The following CNOT2 variants were observed in gnomAD, a reference collection of about 807,000 sequenced individuals.
CNOT2 encodes the protein CC chemokine receptor 4-negative regulator of transcription 2.
CNOT2 carries 7 observed loss-of-function variants against 72.1 expected under a neutral mutation model. The ratio of observed to expected loss-of-function variants is 0.10; its 90% CI spans 0.06 to 0.18. The LOEUF (loss-of-function observed/expected upper bound fraction) is 0.18, where lower values mean the gene tolerates loss of function less well. CNOT2 is among the 10% of genes least tolerant of loss of function. The probability of loss-of-function intolerance (pLI) is 1.00; values close to 1 mark genes in which losing one functional copy is unlikely to be tolerated. For missense variants in CNOT2, 345 were observed against 660.3 expected, an observed-to-expected ratio of 0.52 and a Z score of 5.23; for synonymous variants, 196 against 225.6, an observed-to-expected ratio of 0.87 and a Z score of 1.17.
At chr12:70,254,855 T>C (rs961527754) in intron 1 of CNOT2, among the ~76,000 whole-genome samples, 3 of 151,454 alleles carry the variant, frequency 2.0e-5, no homozygotes, top group African/African-American at 7.3e-5. Flanking sequence ...GTGGCACGTG[T>C]CTCTAATCCG....
intron 1 of CNOT2, among the ~76,000 whole-genome samples, chr12:70,265,729 C>T (rs977814296): frequency 6.6e-6 from 1 of 151,684 alleles, no homozygotes; most frequent in Non-Finnish European, 1.5e-5. Flanking sequence ...AGGTGATTGA[C>T]CTGAGAGCTT....
intron 2 of CNOT2, among the ~76,000 whole-genome samples, chr12:70,281,114 C>T (rs925030262): frequency 5.1e-5 from 7 of 138,568 alleles, no homozygotes; most frequent in East Asian, 2.1e-4. Flanking sequence ...TTTTTTGAGA[C>T]GGACTCTTGC....
chr12:70,262,671 T>C (rs767870339), intron 1 of CNOT2, among the ~76,000 whole-genome samples: 1 of 152,140 alleles, frequency 6.6e-6, no homozygotes, highest in Non-Finnish European at 1.5e-5. Flanking sequence ...TTATTTTTTT[T>C]TCCGGTTATT....
At chr12:70,303,643 C>T (rs1874573655) in intron 2 of CNOT2, among the ~76,000 whole-genome samples, 1 of 152,150 alleles carries the variant, frequency 6.6e-6, no homozygotes, top group African/African-American at 2.4e-5. Context: ...TCTGGATGCC[C>T]TTAACATTTT....
At chr12:70,331,954 T>G (rs1186212011) in intron 6 of CNOT2, among the ~76,000 whole-genome samples, 1 of 151,634 alleles carries the variant, frequency 6.6e-6, no homozygotes, top group Admixed American at 6.6e-5. Flanking sequence ...TTGGCCTTGC[T>G]CTAAGTTCTG....
At chr12:70,346,821 G>A (rs1013284133) in intron 15 of CNOT2, among the ~76,000 whole-genome samples, 2 of 152,128 alleles carry the variant, frequency 1.3e-5, no homozygotes, top group African/African-American at 4.8e-5. Context: ...ATATTGGGGA[G>A]AAATCGGCTA....
intron 15 of CNOT2, among the ~76,000 whole-genome samples, chr12:70,352,540 G>A (rs1882997010): frequency 2.6e-5 from 4 of 152,188 alleles, no homozygotes; most frequent in Middle Eastern, 3.4e-3. Flanking sequence ...ACTCATCATG[G>A]AATCAGTTTG....
At chr12:70,319,231 T>C (rs963230747) in intron 3 of CNOT2, 67 bp from the exon 4 acceptor site, 39 of 1,280,220 alleles carry the variant, frequency 3.0e-5, no homozygotes, top group Non-Finnish European at 4.2e-5. Context: ...TTTACAGATT[T>C]GTGGAGTGTA....
intron 2 of CNOT2, among the ~76,000 whole-genome samples, chr12:70,281,722 T>G (rs942908622): frequency 2.8e-5 from 4 of 143,978 alleles, no homozygotes; most frequent in African/African-American, 1.0e-4. Context: ...TAGTTTAGTG[T>G]TTACCATAAT....
At position 70,337,530 on chromosome 12, in the gene CNOT2, T is replaced by C; in HGVS notation, c.900+17T>C. ...AGTAAATCTGTAAGTAACTGAGAAG[T>C]GTGTATGTGAGTGATGTAGTTTTTC... On this transcript the variant is annotated intron_variant, in intron 9 of 15. Coordinates refer to ENST00000229195, the MANE Select transcript of CNOT2 (RefSeq NM_014515.7). 1.2e-6 allele frequency: 2 copies of C among 1,608,688 alleles called. No homozygotes were observed. The highest frequency in any genetic ancestry group is 1.7e-6 in the Non-Finnish European group (2 of 1,176,154).
intron 2 of CNOT2, among the ~76,000 whole-genome samples, chr12:70,303,614 G>T: frequency 6.6e-6 from 1 of 152,146 alleles, no homozygotes; most frequent in Non-Finnish European, 1.5e-5. Context: ...TTCCCTTTGT[G>T]GGTAACCCGA....
At chr12:70,342,344 A>G in intron 13 of CNOT2, 37 bp downstream of exon 13, 3 of 1,605,470 alleles carry the variant, frequency 1.9e-6, no homozygotes, top group Non-Finnish European at 2.5e-6. Flanking sequence ...GTCAGCATGA[A>G]TTTATCTATT....
rs369274151 is a variant in CNOT2 at position 70,319,260 on chromosome 12, G to A, written c.172-38G>A. 7 of 1,579,640 alleles carry A rather than the reference G, an allele frequency of 4.4e-6. No individual in the cohort carries two copies. In the Admixed American group the frequency reaches 1.0e-4, roughly 23 times the overall value. ...GAGTGTAAATGCAATGCTCTGCTCT[G>A]TTTTCTTTATGCTCTAATATAATTA... On this transcript the variant is annotated intron_variant, in intron 3 of 15. Coordinates refer to ENST00000229195, the MANE Select transcript of CNOT2 (RefSeq NM_014515.7).
In CNOT2 at chr12:70,272,371, G is replaced by A. The variant is rs1025336780; in HGVS notation, c.-95-5761G>A. On this transcript the variant is annotated intron_variant, in intron 1 of 15. Transcript: ENST00000229195. Reference sequence around the variant, plus strand: ...GAGATAGTCAAGCAGACATGTTAACGTCAAGAAGCAGTTTGGCATTTGGAG... The same window carrying A: ...GAGATAGTCAAGCAGACATGTTAACATCAAGAAGCAGTTTGGCATTTGGAG... Among the ~76,000 whole-genome samples the A allele has an allele frequency of 3.9e-5, 6 of 152,234 alleles. No individual in the cohort carries two copies. In the South Asian group the frequency reaches 1.0e-3, roughly 26 times the overall value.
At chr12:70,254,168 G>A (rs2135711429) in intron 1 of CNOT2, among the ~76,000 whole-genome samples, 1 of 151,706 alleles carries the variant, frequency 6.6e-6, no homozygotes. Flanking sequence ...AACCCGGGAG[G>A]TGGAGTTTGC....
intron 2 of CNOT2, among the ~76,000 whole-genome samples, chr12:70,298,185 A>G (rs370141636): frequency 6.6e-6 from 1 of 152,208 alleles, no homozygotes; most frequent in Non-Finnish European, 1.5e-5. Flanking sequence ...TAATCAGTCC[A>G]TTCTTGTTCT....
At chr12:70,351,487 T>C (rs1489516271) in intron 15 of CNOT2, among the ~76,000 whole-genome samples, 1 of 152,220 alleles carries the variant, frequency 6.6e-6, no homozygotes, top group Non-Finnish European at 1.5e-5. Flanking sequence ...ATGTAATTTC[T>C]AAATCTCTGA....
At chr12:70,311,204 A>G (rs982721086) in intron 3 of CNOT2, among the ~76,000 whole-genome samples, 187 bp downstream of exon 3, 12 of 151,954 alleles carry the variant, frequency 7.9e-5, no homozygotes, top group African/African-American at 2.9e-4. Flanking sequence ...TCTAATGGGG[A>G]AAATAAATAT....
intron 2 of CNOT2, among the ~76,000 whole-genome samples, chr12:70,304,217 C>T (rs1265212457): frequency 1.3e-5 from 2 of 151,442 alleles, no homozygotes; most frequent in Admixed American, 6.6e-5. Context: ...AAGTCATTCT[C>T]GGTCCAGCTT....
Sources: gnomAD v4.1 joint callset for allele counts (sites outside exome capture counted in the v4.1 genomes callset) on GRCh38, gnomAD v4.1.1 for gene constraint, MANE v1.5 for transcripts, NCBI Gene and HGNC (gene_info 2026-07-23, HGNC 2026-07-21) for gene names.